Variants in INPP5A observed in about 807,000 individuals in gnomAD.
The protein encoded by INPP5A is 43 kDa inositol polyphosphate 5-phophatase.
INPP5A carries 14 observed loss-of-function variants against 65.2 expected under a neutral mutation model. The ratio of observed to expected loss-of-function variants is 0.21; its 90% CI spans 0.14 to 0.34. INPP5A has a LOEUF of 0.34. Ranked by LOEUF, INPP5A falls within the 10% of genes least tolerant of loss-of-function variation. The probability of loss-of-function intolerance (pLI) is 1.00; values close to 1 mark genes in which losing one functional copy is unlikely to be tolerated. For synonymous variants in INPP5A, 207 were observed against 208.3 expected, an observed-to-expected ratio of 0.99 and a Z score of 0.05; for missense variants, 431 against 545.6, an observed-to-expected ratio of 0.79 and a Z score of 2.09.
intron 9 of INPP5A, among the ~76,000 whole-genome samples, chr10:132,729,333 C>T (rs985993373): frequency 1.3e-5 from 2 of 152,204 alleles, no homozygotes; most frequent in Non-Finnish European, 2.9e-5. Flanking sequence ...ACACACAGCC[C>T]TCAACCCTCA....
intron 12 of INPP5A, 96 bp from the exon 13 acceptor site, chr10:132,777,575 C>T (rs1847084941): frequency 9.3e-7 from 1 of 1,070,450 alleles, no homozygotes; most frequent in Non-Finnish European, 1.4e-6. Context: ...GCTGGCCATT[C>T]TAAGGTGTAT....
intron 9 of INPP5A, among the ~76,000 whole-genome samples, chr10:132,729,736 T>G (rs1846048769): frequency 6.6e-6 from 1 of 152,196 alleles, no homozygotes; most frequent in Non-Finnish European, 1.5e-5. Flanking sequence ...AGTTCGAAGA[T>G]TCCCATCACC....
intron 7 of INPP5A, among the ~76,000 whole-genome samples, chr10:132,709,169 AG>A (rs1845590288): frequency 6.8e-6 from 1 of 148,104 alleles, no homozygotes; most frequent in African/African-American, 2.5e-5. Flanking sequence ...GGCTGTGGGC[AG>A]GGGTTTCTGC....
At chr10:132,584,763 T>G (rs1253903039) in intron 1 of INPP5A, among the ~76,000 whole-genome samples, 1 of 152,180 alleles carries the variant, frequency 6.6e-6, no homozygotes, top group Non-Finnish European at 1.5e-5. Context: ...TGAGACAGGG[T>G]CTCCCTCTGT....
rs2133450956 is a variant in INPP5A at position 132,678,750 on chromosome 10, G to C, written c.307-11642G>C. Among the ~76,000 whole-genome samples the C allele has an allele frequency of 6.6e-6, 1 of 152,350 alleles. No individual in the cohort carries two copies. Among genetic ancestry groups the C allele is most frequent in the South Asian group, 2.1e-4 (1 of 4,828 alleles). ...TAGATGAGGAAACCAGTGAGTGCTG[G>C]AATATGCAGCACCTTGAAGGAAAGG... On this transcript the variant is annotated intron_variant, in intron 4 of 15. Transcript: ENST00000368594. The surrounding 1 kb of genome is among the most constrained non-coding windows in gnomAD (Gnocchi z 4.1).
At chr10:132,672,752 C>T (rs2072908462) in intron 4 of INPP5A, among the ~76,000 whole-genome samples, 1 of 152,336 alleles carries the variant, frequency 6.6e-6, no homozygotes, top group Non-Finnish European at 1.5e-5. Flanking sequence ...GACTTCCACT[C>T]CCCCTCTGCA....
chr10:132,773,391 G>A (rs974611056), intron 12 of INPP5A, among the ~76,000 whole-genome samples: 5 of 152,150 alleles, frequency 3.3e-5, no homozygotes, highest in Middle Eastern at 3.4e-3. Context: ...AAAAATATAC[G>A]CAACACAGGA....
chr10:132,777,653 G>C lies in INPP5A; in HGVS notation c.978-18G>C. 1 of 1,609,586 alleles carries C rather than the reference G, an allele frequency of 6.2e-7. No individual in the cohort carries two copies. The highest frequency in any genetic ancestry group is 8.5e-7 in the Non-Finnish European group (1 of 1,177,434). ...GCCCGAGCCGGCCGGCTGACCCTCT[G>C]CCTTCATGTCTCCCCAGCTACCCGT... On this transcript the variant is annotated intron_variant, in intron 12 of 15. Transcript: ENST00000368594.
chr10:132,682,734 G>A (rs186791807), intron 4 of INPP5A, among the ~76,000 whole-genome samples: 44 of 152,312 alleles, frequency 2.9e-4, no homozygotes, highest in Middle Eastern at 3.4e-3. Context: ...TGGAAGGCAC[G>A]TGTCTGCCAT....
At chr10:132,599,737 A>G (rs1590858500) in intron 1 of INPP5A, among the ~76,000 whole-genome samples, 1 of 152,240 alleles carries the variant, frequency 6.6e-6, no homozygotes, top group South Asian at 2.1e-4. Flanking sequence ...TTGCCTGGAC[A>G]TCGAGGCATT....
chr10:132,608,749 C>G (rs2071899051), intron 2 of INPP5A, among the ~76,000 whole-genome samples: 1 of 152,224 alleles, frequency 6.6e-6, no homozygotes, highest in African/African-American at 2.4e-5. Flanking sequence ...TGCTCACATG[C>G]TCAGACCCAC....
chr10:132,776,542 A>G (rs1483632763), intron 12 of INPP5A, among the ~76,000 whole-genome samples: 1 of 152,204 alleles, frequency 6.6e-6, no homozygotes, highest in African/African-American at 2.4e-5. Context: ...GTGCTGTATG[A>G]TATTTTGGAA....
At chr10:132,539,920 A>G (rs1197047943) in intron 1 of INPP5A, among the ~76,000 whole-genome samples, 1 of 152,214 alleles carries the variant, frequency 6.6e-6, no homozygotes, top group East Asian at 1.9e-4. Flanking sequence ...CCAGGTGCCC[A>G]TGTATTATAC....
chr10:132,774,240 G>A (rs1483927418), intron 12 of INPP5A, among the ~76,000 whole-genome samples: 2 of 152,322 alleles, frequency 1.3e-5, no homozygotes, highest in East Asian at 3.9e-4. Context: ...TGCCAGTGGT[G>A]CCTGCAGGCT....
chr10:132,631,620 A>AC (rs1190049864), intron 2 of INPP5A, among the ~76,000 whole-genome samples: 4 of 152,036 alleles, frequency 2.6e-5, no homozygotes, highest in African/African-American at 9.7e-5. Flanking sequence ...TATTTTTAAC[A>AC]CCGAGTCTTG....
At chr10:132,722,938 T>C (rs921562212) in intron 8 of INPP5A, among the ~76,000 whole-genome samples, 1 of 152,178 alleles carries the variant, frequency 6.6e-6, no homozygotes, top group African/African-American at 2.4e-5. Flanking sequence ...GGCACTATAT[T>C]GAAATTGAAA....
intron 4 of INPP5A, among the ~76,000 whole-genome samples, chr10:132,683,527 C>T (rs1056090756): frequency 6.6e-6 from 1 of 152,216 alleles, no homozygotes; most frequent in African/African-American, 2.4e-5. Flanking sequence ...TGCAGTGACC[C>T]AGCAAATCCT....
Position 132,678,622 on chromosome 10 carries a change from C to T in INPP5A, c.307-11770C>T, listed in dbSNP as rs749663880. On this transcript the variant is annotated intron_variant, in intron 4 of 15. Coordinates refer to ENST00000368594, the MANE Select transcript of INPP5A (RefSeq NM_005539.5). The surrounding 1 kb of genome is among the most constrained non-coding windows in gnomAD (Gnocchi z 4.1). ...GGTGCCTCTCTCATTGCCCAGGAGCCGTGGAATTCCTGCCTGCCGTGACCT... is the reference window on the plus strand; with the variant it reads ...GGTGCCTCTCTCATTGCCCAGGAGCTGTGGAATTCCTGCCTGCCGTGACCT... 1.3e-5 allele frequency among the ~76,000 whole-genome samples: 2 copies of T among 152,244 alleles called. No individual in the cohort carries two copies. Among genetic ancestry groups the T allele is most frequent in the South Asian group, 2.1e-4 (1 of 4,816 alleles).
chr10:132,651,525 C>T lies in INPP5A; in HGVS notation c.306+1020C>T, dbSNP rs1223852712. 1.3e-5 allele frequency among the ~76,000 whole-genome samples: 2 copies of T among 152,132 alleles called. No homozygotes were observed. Among genetic ancestry groups the T allele is most frequent in the East Asian group, 1.9e-4 (1 of 5,164 alleles). On this transcript the variant is annotated intron_variant, in intron 4 of 15. Transcript: ENST00000368594. This position sits in a 1 kb window ranked among gnomAD's most constrained non-coding sequence, Gnocchi z 5.0. ...TCCCCCGGCCTGGTTCCATCTCCCC[C>T]GTCTCTGGAGAGGCCCTGCATCCTT...
Sources: allele counts gnomAD v4.1 joint callset (sites outside exome capture counted in the v4.1 genomes callset), GRCh38; gene constraint gnomAD v4.1.1; non-coding constraint Gnocchi (gnomAD v3.1); transcripts MANE v1.5; gene names NCBI Gene and HGNC (gene_info 2026-07-23, HGNC 2026-07-21).